GPHN: variants seen among roughly 807,000 people sequenced by gnomAD.
GPHN encodes gephyrin.
A neutral mutation model predicts 95.5 loss-of-function variants in GPHN; 17 were observed. The ratio of observed to expected loss-of-function variants is 0.18; its 90% confidence interval spans 0.12 to 0.27. The LOEUF (loss-of-function observed/expected upper bound fraction) is 0.27, where lower values mean the gene tolerates loss of function less well. Ranked by LOEUF, GPHN falls within the 10% of genes least tolerant of loss-of-function variation. The pLI is 1.00. For synonymous variants in GPHN, 320 were observed against 322.5 expected (o/e 0.99, Z 0.08); for missense variants, 660 against 978.1 (o/e 0.67, Z 4.34).
chr14:67,331,190 G>A, the GPHN span, among the ~76,000 whole-genome samples: 2 of 152,160 alleles, frequency 1.3e-5, 1 homozygote, highest in South Asian at 4.1e-4. Flanking sequence ...GATTACAGAT[G>A]TGCACCATCA....
chr14:67,295,903 A>G, the GPHN span, among the ~76,000 whole-genome samples: 3 of 152,202 alleles, frequency 2.0e-5, no homozygotes, highest in African/African-American at 4.8e-5. Flanking sequence ...AAAAGCTTAA[A>G]AACAGATGTT....
At chr14:66,725,308 T>C (rs2071124654) in intron 2 of GPHN, among the ~76,000 whole-genome samples, 1 of 152,168 alleles carries the variant, frequency 6.6e-6, no homozygotes, top group Admixed American at 6.5e-5. Context: ...AAGTTTAAGG[T>C]GTATGTAATT....
chr14:66,524,931 C>T (rs1434163651), intron 1 of GPHN, among the ~76,000 whole-genome samples: 1 of 152,080 alleles, frequency 6.6e-6, no homozygotes, highest in Non-Finnish European at 1.5e-5. Context: ...CAAGTCTTTG[C>T]TATTGTGAAC....
chr14:67,653,105 AT>A, the GPHN span, among the ~76,000 whole-genome samples: 1 of 152,176 alleles, frequency 6.6e-6, no homozygotes, highest in Non-Finnish European at 1.5e-5. Context: ...ATATAAATAT[AT>A]TTCAAGGAAT....
chr14:66,832,518 A>T (rs2153500724), intron 4 of GPHN, among the ~76,000 whole-genome samples: 2 of 152,332 alleles, frequency 1.3e-5, no homozygotes, highest in South Asian at 4.1e-4. Context: ...GTGAAAAAAT[A>T]ACTTTTTAGT....
At chr14:67,244,680 T>C in the GPHN span, among the ~76,000 whole-genome samples, 1 of 152,222 alleles carries the variant, frequency 6.6e-6, no homozygotes, top group Non-Finnish European at 1.5e-5. Context: ...AATAGGTTTT[T>C]GTGTAAACCT....
At chr14:67,585,587 A>G in the GPHN span, 2 of 1,583,472 alleles carry the variant, frequency 1.3e-6, no homozygotes, top group East Asian at 2.3e-5. Context: ...CTGTCTTCCA[A>G]GGAGAACGCT....
the GPHN span, among the ~76,000 whole-genome samples, chr14:67,418,422 C>T: frequency 2.0e-5 from 3 of 152,186 alleles, no homozygotes; most frequent in East Asian, 1.9e-4. Context: ...TTATTCATTC[C>T]CCTATCCCCT....
the GPHN span, among the ~76,000 whole-genome samples, chr14:67,296,585 C>CAAAAAAAAA: frequency 3.9e-4 from 20 of 51,018 alleles, no homozygotes; most frequent in African/African-American, 7.8e-4. Context: ...AACTCTGTCT[C>CAAAAAAAAA]AAAAAAAAAA....
intron 1 of GPHN, among the ~76,000 whole-genome samples, chr14:66,618,724 G>T (rs1161256827): frequency 6.6e-6 from 1 of 152,128 alleles, no homozygotes; most frequent in African/African-American, 2.4e-5. Flanking sequence ...TAGAATCCTG[G>T]GTTGGAGTGT....
At chr14:67,221,330 C>T in the GPHN span, among the ~76,000 whole-genome samples, 2 of 152,182 alleles carry the variant, frequency 1.3e-5, no homozygotes, top group African/African-American at 2.4e-5. Flanking sequence ...TTGGTGATTT[C>T]TCCTAACCAT....
chr14:67,201,673 G>T, the GPHN span: 1 of 382,118 alleles, frequency 2.6e-6, no homozygotes, highest in South Asian at 2.0e-5. Context: ...CCCTGAGCTG[G>T]GTCATCATCC....
the GPHN span, among the ~76,000 whole-genome samples, chr14:67,266,160 G>C: frequency 6.6e-6 from 1 of 151,916 alleles, no homozygotes; most frequent in South Asian, 2.1e-4. Context: ...AGTTTACTTT[G>C]AATATATGTT....
chr14:67,212,803 T>C, the GPHN span, among the ~76,000 whole-genome samples: 2 of 151,812 alleles, frequency 1.3e-5, no homozygotes, highest in African/African-American at 2.4e-5. Context: ...TGGGTGATCC[T>C]TAGGAGAGCC....
chr14:66,666,029 C>T (rs1360252494), intron 1 of GPHN, among the ~76,000 whole-genome samples: 1 of 149,512 alleles, frequency 6.7e-6, no homozygotes, highest in Non-Finnish European at 1.5e-5. Context: ...CATGTTCTCA[C>T]TCATAGGTGG....
chr14:67,276,003 TTC>T, the GPHN span, among the ~76,000 whole-genome samples: 1 of 152,186 alleles, frequency 6.6e-6, no homozygotes, highest in South Asian at 2.1e-4. Flanking sequence ...TATTTGATTC[TTC>T]TCTCTTTTCT....
chr14:67,453,722 C>T, the GPHN span, among the ~76,000 whole-genome samples: 1 of 152,094 alleles, frequency 6.6e-6, no homozygotes, highest in Admixed American at 6.6e-5. Context: ...GCATGTAGGG[C>T]CACCATCTGC....
At chr14:66,908,466 A>G (rs1362022888) in intron 5 of GPHN, among the ~76,000 whole-genome samples, 1 of 152,148 alleles carries the variant, frequency 6.6e-6, no homozygotes, top group Non-Finnish European at 1.5e-5. Flanking sequence ...CTTTTTGCAC[A>G]AATTAATTCA....
At chr14:67,423,421 C>A in the GPHN span, among the ~76,000 whole-genome samples, 1 of 152,106 alleles carries the variant, frequency 6.6e-6, no homozygotes, top group Non-Finnish European at 1.5e-5. Context: ...TCCCCAGTCC[C>A]TGGCACAGTC....
Sources: allele counts gnomAD v4.1 joint callset (sites outside exome capture counted in the v4.1 genomes callset), GRCh38; gene constraint gnomAD v4.1.1; transcripts MANE v1.5; gene names NCBI Gene and HGNC (gene_info 2026-07-23, HGNC 2026-07-21).